FOXP2: variants seen among roughly 807,000 people sequenced by gnomAD.
The protein encoded by FOXP2 is forkhead box P2.
A neutral mutation model predicts 115.8 loss-of-function variants in FOXP2; 12 were observed. That is an observed-to-expected ratio of 0.10 (90% CI 0.07 to 0.17). FOXP2 has a LOEUF of 0.17. FOXP2 is among the 10% of genes least tolerant of loss of function. The pLI is 1.00. For missense variants in FOXP2, 629 were observed against 843.5 expected, an observed-to-expected ratio of 0.75 and a Z score of 3.15; for synonymous variants, 328 against 297.7, an observed-to-expected ratio of 1.10 and a Z score of -1.05.
intron 1 of FOXP2, among the ~76,000 whole-genome samples, chr7:114,247,586 A>G (rs1417331650): frequency 6.6e-6 from 1 of 152,014 alleles, no homozygotes; most frequent in Non-Finnish European, 1.5e-5. Context: ...CGTCCTTGAA[A>G]CCTTTCTGAA....
chr7:114,406,799 T>C (rs1474773504), intron 2 of FOXP2, among the ~76,000 whole-genome samples: 1 of 152,008 alleles, frequency 6.6e-6, no homozygotes, highest in Non-Finnish European at 1.5e-5. Context: ...TCTCCCTCAG[T>C]TCCCGCTTTA....
At chr7:114,635,840 C>T (rs1158506579) in intron 6 of FOXP2, among the ~76,000 whole-genome samples, 2 of 152,026 alleles carry the variant, frequency 1.3e-5, no homozygotes, top group Non-Finnish European at 2.9e-5. Context: ...AAAAAGGAAA[C>T]ATCATTGGTT....
intron 1 of FOXP2, among the ~76,000 whole-genome samples, chr7:114,239,390 C>G (rs1218195242): frequency 1.3e-5 from 2 of 152,186 alleles, no homozygotes; most frequent in Middle Eastern, 6.8e-3. Flanking sequence ...ATGTCAAAAA[C>G]TTTTGTGAGT....
intron 16 of FOXP2, chr7:114,667,640 G>A (rs886920989): frequency 1.3e-5 from 2 of 151,978 alleles, no homozygotes; most frequent in Admixed American, 1.3e-4. Flanking sequence ...AATACATAAG[G>A]GAATACAGAA....
upstream of FOXP2, among the ~76,000 whole-genome samples, chr7:114,086,889 GA>G (rs1164072909): frequency 1.1e-4 from 16 of 152,216 alleles, no homozygotes; most frequent in Admixed American, 2.6e-4. Flanking sequence ...GTGGAGAGGG[GA>G]GATTTGCTGT....
chr7:114,328,776 C>T (rs1797623480), intron 2 of FOXP2, among the ~76,000 whole-genome samples: 6 of 152,112 alleles, frequency 3.9e-5, no homozygotes, highest in Admixed American at 3.9e-4. Context: ...ACTTCCTAGG[C>T]CACTGCCCAT....
chr7:114,387,097 A>C (rs1269257585), intron 2 of FOXP2, among the ~76,000 whole-genome samples: 1 of 152,198 alleles, frequency 6.6e-6, no homozygotes, highest in Admixed American at 6.5e-5. Flanking sequence ...ATAGATAAGA[A>C]AATATAAATA....
At chr7:114,095,043 A>G (rs73716352) in intron 1 of FOXP2, among the ~76,000 whole-genome samples, 6,142 of 152,246 alleles carry the variant, frequency 0.04, 365 homozygotes, top group African/African-American at 0.14. Flanking sequence ...GATGATAATA[A>G]TGCATATAAG....
chr7:114,186,207 AAAT>A (rs1793602048), intron 1 of FOXP2, among the ~76,000 whole-genome samples: 1 of 152,218 alleles, frequency 6.6e-6, no homozygotes, highest in South Asian at 2.1e-4. Flanking sequence ...CTAACATACA[AAAT>A]AAATTCCTTC....
At chr7:114,466,890 A>C (rs1243406867) in intron 2 of FOXP2, among the ~76,000 whole-genome samples, 1 of 152,196 alleles carries the variant, frequency 6.6e-6, no homozygotes, top group Admixed American at 6.5e-5. Context: ...GAGCAAGGAC[A>C]CTTTTCAAAA....
intron 7 of FOXP2, among the ~76,000 whole-genome samples, chr7:114,642,827 T>TA (rs1805647484): frequency 8.5e-6 from 1 of 118,248 alleles, no homozygotes; most frequent in Non-Finnish European, 1.7e-5. Context: ...TTTTTTTTTT[T>TA]AGGCAGAGTC....
chr7:114,133,235 A>G (rs982975432), intron 1 of FOXP2, among the ~76,000 whole-genome samples: 3 of 152,196 alleles, frequency 2.0e-5, no homozygotes, highest in African/African-American at 7.2e-5. Flanking sequence ...GCAGGATAAT[A>G]CTTCCTTTTT....
intron 2 of FOXP2, among the ~76,000 whole-genome samples, chr7:114,374,006 C>G (rs1792077890): frequency 6.6e-6 from 1 of 152,196 alleles, no homozygotes; most frequent in Admixed American, 6.5e-5. Context: ...ATTTCACTTA[C>G]ATCTCCTTGT....
At chr7:114,298,271 TCTC>T (rs1290945571) in intron 2 of FOXP2, among the ~76,000 whole-genome samples, 5 of 152,272 alleles carry the variant, frequency 3.3e-5, no homozygotes, top group Admixed American at 1.3e-4. Context: ...ACCCTTGACT[TCTC>T]CTGTCTCTCT....
intron 3 of FOXP2, among the ~76,000 whole-genome samples, chr7:114,625,572 A>G (rs868008281): frequency 4.0e-5 from 6 of 151,766 alleles, no homozygotes; most frequent in Middle Eastern, 3.2e-3. Context: ...ATTTTTATCA[A>G]TGAATACCTA....
At chr7:114,545,456 G>A (rs1337707219) in intron 3 of FOXP2, among the ~76,000 whole-genome samples, 1 of 152,106 alleles carries the variant, frequency 6.6e-6, no homozygotes, top group African/African-American at 2.4e-5. Flanking sequence ...GATTTCTTAT[G>A]TAAAATCTTC....
At chr7:114,465,123 A>C (rs898036794) in intron 2 of FOXP2, among the ~76,000 whole-genome samples, 2 of 152,194 alleles carry the variant, frequency 1.3e-5, no homozygotes, top group Non-Finnish European at 2.9e-5. Context: ...CTTTTTAAAA[A>C]TTAATTACTT....
intron 3 of FOXP2, among the ~76,000 whole-genome samples, chr7:114,612,836 G>C (rs148846934): frequency 3.3e-5 from 5 of 152,234 alleles, no homozygotes; most frequent in Non-Finnish European, 7.4e-5. Flanking sequence ...ATCTAATACA[G>C]TTTATCTAAT....
Position 114,379,199 on chromosome 7 carries a change from C to T in FOXP2, c.-10-47303C>T, listed in dbSNP as rs538453576. On this transcript the variant is annotated intron_variant, in intron 2 of 17. Coordinates refer to the FOXP2 transcript ENST00000634411. ...TGGCTCGAATGCCTGGGTTTATGTC[C>T]CGATCCTTGTCCCTCCCACTGTGCT... Among the ~76,000 whole-genome samples the T allele has an allele frequency of 3.3e-5, 5 of 152,202 alleles. No individual in the cohort carries two copies. In the South Asian group the frequency reaches 1.0e-3, roughly 32 times the overall value.
Sources: allele counts gnomAD v4.1 joint callset (sites outside exome capture counted in the v4.1 genomes callset), GRCh38; gene constraint gnomAD v4.1.1; transcripts MANE v1.5; gene names NCBI Gene and HGNC (gene_info 2026-07-23, HGNC 2026-07-21).